CLMP: variants seen among roughly 807,000 people sequenced by gnomAD.
The protein encoded by CLMP is CXADR-like membrane protein.
In CLMP, 27 loss-of-function variants were observed where a neutral mutation model predicts 45.2. That is an observed-to-expected ratio of 0.60 (90% CI 0.44 to 0.82). The LOEUF (loss-of-function observed/expected upper bound fraction) is 0.82. Ranked by LOEUF, CLMP falls within the 40% of genes least tolerant of loss-of-function variation. CLMP has a pLI of 0.00. For synonymous variants in CLMP, 167 were observed against 171.4 expected (o/e 0.97, Z 0.20); for missense variants, 403 against 448.4 (o/e 0.90, Z 0.91).
chr11:123,128,249 A>AC (rs199635882), intron 1 of CLMP, among the ~76,000 whole-genome samples: 20,368 of 151,620 alleles, frequency 0.13, 1,737 homozygotes, highest in African/African-American at 0.22. Flanking sequence ...GAAAAAAAAA[A>AC]AACAACTCAG....
chr11:123,137,455 G>A (rs926744654), intron 1 of CLMP, among the ~76,000 whole-genome samples: 1 of 151,872 alleles, frequency 6.6e-6, no homozygotes, highest in Admixed American at 6.6e-5. Context: ...TGGTGGAGCC[G>A]ACAGGGTCCC....
chr11:123,112,051 T>C (rs1331440774), intron 1 of CLMP, among the ~76,000 whole-genome samples: 2 of 152,288 alleles, frequency 1.3e-5, no homozygotes, highest in East Asian at 3.9e-4. Flanking sequence ...AACAAATCAA[T>C]TCATCAGATG....
At chr11:123,092,852 C>G (rs1378107281) in intron 2 of CLMP, among the ~76,000 whole-genome samples, 2 of 151,416 alleles carry the variant, frequency 1.3e-5, no homozygotes, top group Non-Finnish European at 2.9e-5. Flanking sequence ...CCCACCTCGG[C>G]CTCCCAAAGT....
In CLMP at chr11:123,119,400, C is replaced by T. The variant is rs565356353; in HGVS notation, c.29-21448G>A. On this transcript the variant is annotated intron_variant, in intron 1 of 6. Transcript: ENST00000448775. Reference sequence around the variant, plus strand: ...GCCCGGCTGATCTTTGCGTTTTCATCAGAGCATCAAACCAGTTCTGGCTGA... The same window carrying T: ...GCCCGGCTGATCTTTGCGTTTTCATTAGAGCATCAAACCAGTTCTGGCTGA... Among the ~76,000 whole-genome samples, 5 of 152,172 alleles carry T rather than the reference C, an allele frequency of 3.3e-5. No individual in the cohort carries two copies. The East Asian group carries it at 9.7e-4, about 30-fold the overall frequency.
At chr11:123,149,731 G>A (rs1055174113) in intron 1 of CLMP, among the ~76,000 whole-genome samples, 4 of 152,150 alleles carry the variant, frequency 2.6e-5, no homozygotes, top group African/African-American at 9.7e-5. Context: ...AATGGGAGAA[G>A]AGAGGTTCTC....
intron 5 of CLMP, among the ~76,000 whole-genome samples, chr11:123,078,648 G>T (rs1414480725): frequency 1.4e-3 from 190 of 132,054 alleles, no homozygotes; most frequent in Middle Eastern, 4.1e-3. Flanking sequence ...GGTTTTTTTT[G>T]TTTTTTTTTT....
At chr11:123,080,755 A>G (rs1471217292) in intron 5 of CLMP, among the ~76,000 whole-genome samples, 1 of 152,224 alleles carries the variant, frequency 6.6e-6, no homozygotes, top group Non-Finnish European at 1.5e-5. Flanking sequence ...AATCAGTGGG[A>G]AAACAGCTAA....
intron 1 of CLMP, among the ~76,000 whole-genome samples, chr11:123,117,164 T>C (rs1366838602): frequency 6.6e-6 from 1 of 152,172 alleles, no homozygotes; most frequent in Admixed American, 6.5e-5. Context: ...CAGTATTATC[T>C]GATAATACTC....
At chr11:123,153,479 T>C (rs1489732561) in intron 1 of CLMP, among the ~76,000 whole-genome samples, 1 of 152,160 alleles carries the variant, frequency 6.6e-6, no homozygotes, top group Non-Finnish European at 1.5e-5. Flanking sequence ...TTGTGCCCCT[T>C]AATAAAGCTA....
chr11:123,157,209 A>T (rs1861426375), intron 1 of CLMP, among the ~76,000 whole-genome samples: 1 of 152,214 alleles, frequency 6.6e-6, no homozygotes, highest in African/African-American at 2.4e-5. Context: ...TGAGTGTCAG[A>T]ACCAGGATAT....
At chr11:123,106,382 GGTGTGTGT>G (rs539659160) in intron 1 of CLMP, among the ~76,000 whole-genome samples, 9,071 of 135,062 alleles carry the variant, frequency 0.067, 301 homozygotes, top group South Asian at 0.1. Flanking sequence ...TTCTGTAGGA[GGTGTGTGT>G]GTGTGTGTGT....
In CLMP at chr11:123,142,652, G is replaced by A. The variant is rs556369102; in HGVS notation, c.29-44700C>T. Among the ~76,000 whole-genome samples, 4 of 103,764 alleles carry A rather than the reference G, an allele frequency of 3.9e-5. No individual in the cohort carries two copies. The East Asian group carries it at 8.4e-4, about 22-fold the overall frequency. The allele number at this position is 103,764 out of a possible 152,430, so 68.1% of individuals were successfully genotyped here. ...TTTTTTTTTTTTGAGACGGAGTCTC[G>A]CTCTGTGCCCAGGCCGGACTGCGGA... On this transcript the variant is annotated intron_variant, in intron 1 of 6. Transcript: ENST00000448775.
chr11:123,132,955 G>A (rs752230961), intron 1 of CLMP, among the ~76,000 whole-genome samples: 22 of 151,846 alleles, frequency 1.4e-4, no homozygotes, highest in Non-Finnish European at 2.2e-4. Flanking sequence ...TTTTGGTAGA[G>A]GCAGGGTTTC....
intron 1 of CLMP, among the ~76,000 whole-genome samples, chr11:123,129,719 A>G (rs1860958308): frequency 6.9e-6 from 1 of 144,952 alleles, no homozygotes; most frequent in African/African-American, 2.5e-5. Context: ...TATATAATAT[A>G]TAGATATAGT....
intron 1 of CLMP, among the ~76,000 whole-genome samples, chr11:123,128,783 G>A (rs151306825): frequency 1.4e-3 from 211 of 152,290 alleles, no homozygotes; most frequent in African/African-American, 4.7e-3. Context: ...ATAGAGGTGG[G>A]AAGAATTTTA....
chr11:123,169,260 T>A (rs1861598797), intron 1 of CLMP, among the ~76,000 whole-genome samples: 1 of 152,172 alleles, frequency 6.6e-6, no homozygotes, highest in African/African-American at 2.4e-5. Flanking sequence ...CTTAAGATGC[T>A]AATGAGCATT....
intron 1 of CLMP, among the ~76,000 whole-genome samples, chr11:123,178,486 C>T (rs1322687694): frequency 1.3e-5 from 2 of 152,166 alleles, no homozygotes; most frequent in South Asian, 2.1e-4. Flanking sequence ...AATTGAGTGC[C>T]ATTGGACAAA....
intron 1 of CLMP, among the ~76,000 whole-genome samples, chr11:123,117,160 T>C (rs1000636787): frequency 1.3e-5 from 2 of 152,124 alleles, no homozygotes; most frequent in African/African-American, 4.8e-5. Flanking sequence ...TTCACAGTAT[T>C]ATCTGATAAT....
chr11:123,111,906 A>G (rs1394372563), intron 1 of CLMP, among the ~76,000 whole-genome samples: 2 of 152,206 alleles, frequency 1.3e-5, no homozygotes, highest in African/African-American at 4.8e-5. Context: ...TTGTTTGTCT[A>G]AGACCAAAAA....
Sources: gnomAD v4.1 joint callset for allele counts (sites outside exome capture counted in the v4.1 genomes callset) on GRCh38, gnomAD v4.1.1 for gene constraint, MANE v1.5 for transcripts, NCBI Gene and HGNC (gene_info 2026-07-23, HGNC 2026-07-21) for gene names.